FSTL5: variants seen among roughly 807,000 people sequenced by gnomAD.
FSTL5 encodes follistatin-related protein 5.
In FSTL5, 62 loss-of-function variants were observed where a neutral mutation model predicts 89.1. That is an observed-to-expected ratio of 0.70 (90% CI 0.57 to 0.86). The LOEUF (loss-of-function observed/expected upper bound fraction) is 0.86, where lower values mean the gene tolerates loss of function less well. FSTL5 is among the 40% of genes least tolerant of loss of function. The pLI is 0.00. For missense variants in FSTL5, 1,057 were observed against 1,001.6 expected, an observed-to-expected ratio of 1.06 and a Z score of -0.75; for synonymous variants, 383 against 346.2, an observed-to-expected ratio of 1.11 and a Z score of -1.18.
intron 3 of FSTL5, among the ~76,000 whole-genome samples, chr4:162,004,113 A>G (rs28617633): frequency 0.22 from 33,540 of 151,950 alleles, 3,969 homozygotes; most frequent in East Asian, 0.43. Context: ...TATTTCTATT[A>G]TTTTCTAAAC....
chr4:161,509,489 G>A (rs1365045493), intron 11 of FSTL5, among the ~76,000 whole-genome samples: 2 of 151,798 alleles, frequency 1.3e-5, no homozygotes, highest in East Asian at 1.9e-4. Context: ...AAGGAGCAAC[G>A]GGATCTAAGA....
intron 7 of FSTL5, among the ~76,000 whole-genome samples, chr4:161,632,204 C>G (rs1351518441): frequency 6.6e-6 from 1 of 151,988 alleles, no homozygotes; most frequent in Non-Finnish European, 1.5e-5. Context: ...CATGGTGAAA[C>G]CCCATCTCTA....
At chr4:161,611,231 C>CATATATATATATATATATAT (rs70937667) in intron 7 of FSTL5, among the ~76,000 whole-genome samples, 1 of 128,490 alleles carries the variant, frequency 7.8e-6, no homozygotes, top group African/African-American at 2.9e-5. Flanking sequence ...TATGTGTATA[C>CATATATATATATATATATAT]ATATATATAT....
chr4:161,680,546 C>G (rs13110893), intron 6 of FSTL5, among the ~76,000 whole-genome samples: 26,058 of 151,768 alleles, frequency 0.17, 2,823 homozygotes, highest in Non-Finnish European at 0.25. Context: ...TCTCCCTCTG[C>G]TAGCTTTCTT....
At chr4:161,646,211 A>C (rs1467382487) in intron 7 of FSTL5, among the ~76,000 whole-genome samples, 1 of 148,272 alleles carries the variant, frequency 6.7e-6, no homozygotes, top group Non-Finnish European at 1.5e-5. Flanking sequence ...TGTATAATAT[A>C]TATCATGTAC....
chr4:161,773,036 A>C (rs1402682769), intron 5 of FSTL5, among the ~76,000 whole-genome samples: 3 of 152,206 alleles, frequency 2.0e-5, no homozygotes, highest in Non-Finnish European at 2.9e-5. Context: ...CTCAGAAATA[A>C]AGCCAAATAC....
At chr4:161,816,542 A>G (rs1434366735) in intron 4 of FSTL5, among the ~76,000 whole-genome samples, 4 of 152,320 alleles carry the variant, frequency 2.6e-5, no homozygotes, top group East Asian at 3.9e-4. Context: ...AGTACAACCT[A>G]AAATTGGTAT....
intron 4 of FSTL5, among the ~76,000 whole-genome samples, chr4:161,831,596 A>T (rs562925558): frequency 6.6e-6 from 1 of 152,054 alleles, no homozygotes; most frequent in African/African-American, 2.4e-5. Flanking sequence ...GTTACATTAT[A>T]TGTATTTGAG....
intron 2 of FSTL5, among the ~76,000 whole-genome samples, chr4:162,092,830 T>A (rs1380623218): frequency 1.3e-5 from 2 of 150,604 alleles, no homozygotes. Flanking sequence ...GCACCTGTTA[T>A]CCCAGCTACT....
intron 4 of FSTL5, among the ~76,000 whole-genome samples, chr4:161,780,973 T>C (rs937382767): frequency 6.6e-6 from 1 of 152,188 alleles, no homozygotes; most frequent in Non-Finnish European, 1.5e-5. Context: ...GTTTTATCTT[T>C]TTGACATTTA....
chr4:162,119,697 G>A (rs1221233325), intron 1 of FSTL5, among the ~76,000 whole-genome samples: 4 of 152,108 alleles, frequency 2.6e-5, no homozygotes, highest in Non-Finnish European at 5.9e-5. Flanking sequence ...CCTTCTAGCT[G>A]TTTGAAACTA....
chr4:161,916,601 A>T (rs1560914885), intron 4 of FSTL5, among the ~76,000 whole-genome samples: 1 of 152,170 alleles, frequency 6.6e-6, no homozygotes, highest in Non-Finnish European at 1.5e-5. Flanking sequence ...TCTATATCCG[A>T]TTATAGCCTG....
intron 6 of FSTL5, among the ~76,000 whole-genome samples, chr4:161,739,531 T>G (rs13145903): frequency 0.16 from 23,786 of 152,134 alleles, 1,879 homozygotes; most frequent in Middle Eastern, 0.22. Flanking sequence ...ATTTAGAACA[T>G]TTGTAGAACT....
intron 2 of FSTL5, among the ~76,000 whole-genome samples, chr4:162,094,807 A>G (rs546499507): frequency 6.6e-6 from 1 of 152,310 alleles, no homozygotes; most frequent in South Asian, 2.1e-4. Context: ...TCTGAGTGGT[A>G]GCACTGTAAG....
intron 8 of FSTL5, among the ~76,000 whole-genome samples, chr4:161,551,842 G>A (rs544721955): frequency 3.9e-5 from 6 of 151,912 alleles, no homozygotes; most frequent in African/African-American, 1.4e-4. Context: ...AATTCAAGAT[G>A]GATTAAAGAC....
chr4:162,062,675 C>T (rs139392941), intron 2 of FSTL5, among the ~76,000 whole-genome samples: 2,299 of 150,444 alleles, frequency 0.015, 60 homozygotes, highest in African/African-American at 0.053. Flanking sequence ...TCTCATATTT[C>T]CAGTTGAAAT....
chr4:161,432,097 T>G (rs1447602672), intron 15 of FSTL5, among the ~76,000 whole-genome samples: 3 of 152,126 alleles, frequency 2.0e-5, no homozygotes, highest in African/African-American at 7.2e-5. Flanking sequence ...ATCTGTAACA[T>G]AGGCCAAAGC....
intron 3 of FSTL5, among the ~76,000 whole-genome samples, chr4:161,991,269 T>C (rs1472778598): frequency 2.0e-5 from 3 of 152,208 alleles, no homozygotes; most frequent in African/African-American, 7.2e-5. Context: ...TAATTTTATA[T>C]CTGAAACGAC....
At chr4:161,462,619 T>G (rs970020720) in intron 13 of FSTL5, among the ~76,000 whole-genome samples, 1 of 152,208 alleles carries the variant, frequency 6.6e-6, no homozygotes, top group Non-Finnish European at 1.5e-5. Context: ...TAATAATACC[T>G]ACTTCAAAGG....
Sources: gnomAD v4.1 joint callset for allele counts (sites outside exome capture counted in the v4.1 genomes callset) on GRCh38, gnomAD v4.1.1 for gene constraint, MANE v1.5 for transcripts, NCBI Gene and HGNC (gene_info 2026-07-23, HGNC 2026-07-21) for gene names.